FANK1: variants seen among roughly 807,000 people sequenced by gnomAD.
FANK1 encodes the protein fibronectin type 3 and ankyrin repeat domains protein 1.
A neutral mutation model predicts 45.3 loss-of-function variants in FANK1; 44 were observed. The ratio of observed to expected loss-of-function variants is 0.97; its 90% confidence interval spans 0.76 to 1.25. The LOEUF (loss-of-function observed/expected upper bound fraction) is 1.25, where lower values mean the gene tolerates loss of function less well. FANK1 is among the 50% of genes most tolerant of loss of function. FANK1 has a pLI of 0.00. For missense variants in FANK1, 391 were observed against 424.4 expected (o/e 0.92, Z 0.69); for synonymous variants, 149 against 152.5 (o/e 0.98, Z 0.17).
chr10:125,954,339 A>T (rs1033303220), intron 1 of FANK1, among the ~76,000 whole-genome samples: 4 of 152,212 alleles, frequency 2.6e-5, no homozygotes, highest in Non-Finnish European at 5.9e-5. Flanking sequence ...AAGAGCAAGG[A>T]TGCTGAACAA....
chr10:125,941,298 A>G (rs1948438874), intron 1 of FANK1, among the ~76,000 whole-genome samples: 1 of 152,224 alleles, frequency 6.6e-6, no homozygotes, highest in Admixed American at 6.5e-5. Context: ...TTGCAGAAGA[A>G]GCAATTTGGC....
intron 1 of FANK1, among the ~76,000 whole-genome samples, chr10:125,899,525 C>T (rs1429675311): frequency 6.6e-6 from 1 of 152,264 alleles, no homozygotes; most frequent in Non-Finnish European, 1.5e-5. Context: ...AATTCTTTTA[C>T]AGTCTAAGAA....
intron 1 of FANK1, among the ~76,000 whole-genome samples, chr10:125,955,410 A>G (rs1260946563): frequency 1.3e-5 from 2 of 152,124 alleles, no homozygotes; most frequent in Non-Finnish European, 2.9e-5. Flanking sequence ...AGCTCCATCT[A>G]TGTCCCTGCA....
At chr10:125,942,057 A>C (rs1239578416) in intron 1 of FANK1, among the ~76,000 whole-genome samples, 3 of 152,220 alleles carry the variant, frequency 2.0e-5, no homozygotes, top group Non-Finnish European at 4.4e-5. Flanking sequence ...GATGGGGTCC[A>C]CACACCCTTC....
intron 3 of FANK1, chr10:125,994,733 T>TG: frequency 1.0e-6 from 1 of 985,438 alleles, no homozygotes; most frequent in Non-Finnish European, 1.2e-6. Context: ...CCTCTGCTTG[T>TG]GCTGCCCGCC....
intron 1 of FANK1, among the ~76,000 whole-genome samples, chr10:125,942,676 G>T (rs886632174): frequency 1.3e-5 from 2 of 151,742 alleles, no homozygotes; most frequent in Admixed American, 6.6e-5. Context: ...TTTATTAATC[G>T]ACTGCTTGAT....
At chr10:125,991,642 T>TC (rs1172368004) in intron 3 of FANK1, among the ~76,000 whole-genome samples, 2 of 152,258 alleles carry the variant, frequency 1.3e-5, no homozygotes, top group East Asian at 3.9e-4. Flanking sequence ...AACAGCCTTT[T>TC]TTTTCCCCCC....
At chr10:125,925,645 C>T (rs1050942338) in intron 1 of FANK1, among the ~76,000 whole-genome samples, 4 of 152,208 alleles carry the variant, frequency 2.6e-5, no homozygotes, top group African/African-American at 9.7e-5. Flanking sequence ...GATCCTCTCA[C>T]CTCTGCTTCC....
chr10:125,947,796 A>G (rs980822790), intron 1 of FANK1, among the ~76,000 whole-genome samples: 2 of 129,174 alleles, frequency 1.5e-5, no homozygotes, highest in African/African-American at 5.4e-5. Context: ...TCCACCCCAA[A>G]TCAACAGAAT....
intron 1 of FANK1, among the ~76,000 whole-genome samples, chr10:125,977,069 T>A (rs1443102355): frequency 6.6e-6 from 1 of 152,210 alleles, no homozygotes; most frequent in Non-Finnish European, 1.5e-5. Context: ...TGAATCTCAG[T>A]GATCTTTGTT....
At chr10:125,912,497 T>C (rs1291626529) in intron 1 of FANK1, among the ~76,000 whole-genome samples, 8 of 151,056 alleles carry the variant, frequency 5.3e-5, no homozygotes, top group African/African-American at 1.9e-4. Flanking sequence ...TTTTTGAGAT[T>C]AAAACTTTAG....
chr10:125,930,185 G>C (rs1162467450), intron 1 of FANK1, among the ~76,000 whole-genome samples: 1 of 151,992 alleles, frequency 6.6e-6, no homozygotes, highest in Non-Finnish European at 1.5e-5. Context: ...CTCCTGAATA[G>C]CTGGGATTAC....
intron 1 of FANK1, among the ~76,000 whole-genome samples, chr10:125,953,007 G>T (rs1015924580): frequency 6.6e-6 from 1 of 152,146 alleles, no homozygotes; most frequent in African/African-American, 2.4e-5. Flanking sequence ...CAGGATACTG[G>T]TCAGCCTCTG....
intron 3 of FANK1, chr10:125,989,177 A>G: frequency 1.1e-6 from 1 of 946,350 alleles, no homozygotes; most frequent in Non-Finnish European, 1.6e-6. Context: ...CCTGTGAGGG[A>G]GAGCCCCACA....
chr10:125,952,708 T>G (rs1590018363), intron 1 of FANK1, among the ~76,000 whole-genome samples: 1 of 151,586 alleles, frequency 6.6e-6, no homozygotes, highest in East Asian at 1.9e-4. Flanking sequence ...CTCTCTCCTG[T>G]GGAATGGTAC....
At chr10:125,957,687 G>T (rs1157012283) in intron 1 of FANK1, among the ~76,000 whole-genome samples, 2 of 151,982 alleles carry the variant, frequency 1.3e-5, no homozygotes, top group South Asian at 4.2e-4. Context: ...ACCACACCCG[G>T]CTGATTTTTG....
At chr10:126,000,547 C>A (rs142528711) in intron 6 of FANK1, among the ~76,000 whole-genome samples, 1 of 152,136 alleles carries the variant, frequency 6.6e-6, no homozygotes, top group East Asian at 1.9e-4. Flanking sequence ...AGATCCTGGT[C>A]TTATAGCGTG....
At chr10:125,951,701 A>G (rs1421788057) in intron 1 of FANK1, among the ~76,000 whole-genome samples, 1 of 152,130 alleles carries the variant, frequency 6.6e-6, no homozygotes, top group East Asian at 1.9e-4. Context: ...GTTTTATAGG[A>G]GTGTTCTTGA....
chr10:126,001,924 C>T (rs1952787540), intron 6 of FANK1, among the ~76,000 whole-genome samples: 1 of 152,094 alleles, frequency 6.6e-6, no homozygotes, highest in Non-Finnish European at 1.5e-5. Context: ...AGAGTTTGTT[C>T]TCTGTGAGGT....
Sources: gnomAD v4.1 joint callset for allele counts (sites outside exome capture counted in the v4.1 genomes callset) on GRCh38, gnomAD v4.1.1 for gene constraint, MANE v1.5 for transcripts, NCBI Gene and HGNC (gene_info 2026-07-23, HGNC 2026-07-21) for gene names.